Variants in NIN observed in about 807,000 individuals in gnomAD.
NIN encodes ninein, also known as glycogen synthase kinase 3 beta-interacting protein.
In NIN, 137 loss-of-function variants were observed where a neutral mutation model predicts 257.6. The ratio of observed to expected loss-of-function variants is 0.53; its 90% CI spans 0.46 to 0.61. NIN has a LOEUF of 0.61. NIN is among the 20% of genes least tolerant of loss of function. The pLI is 0.00. For missense variants in NIN, 2,439 were observed against 2,501.2 expected, an observed-to-expected ratio of 0.98 and a Z score of 0.53; for synonymous variants, 918 against 919.8, an observed-to-expected ratio of 1.00 and a Z score of 0.04.
At chr14:50,779,675 G>A (rs557299759) in intron 5 of NIN, among the ~76,000 whole-genome samples, 15 of 151,870 alleles carry the variant, frequency 9.9e-5, no homozygotes, top group African/African-American at 3.1e-4. Flanking sequence ...GGAGAATGGC[G>A]TGAACCCGGG....
rs371307505 is a variant in NIN at position 50,800,240 on chromosome 14, G to A, written c.265+6497C>T. Among the ~76,000 whole-genome samples the A allele has an allele frequency of 3.1e-4, 47 of 152,248 alleles. No homozygotes were observed. In the South Asian group the frequency reaches 3.9e-3, roughly 13 times the overall value. ...GTCATTGTTTACATAGATAGAGCAC[G>A]ATTTGCCTATGAATACACTGTCTAA... On this transcript the variant is annotated intron_variant, in intron 4 of 30. Coordinates refer to ENST00000530997, the MANE Select transcript of NIN (RefSeq NM_020921.4).
intron 4 of NIN, chr14:50,805,887 A>C (rs913704502): frequency 6.6e-6 from 1 of 152,002 alleles, no homozygotes; most frequent in African/African-American, 2.4e-5. Context: ...TTTGTAGTCA[A>C]CTCCTGCCCC....
At chr14:50,784,038 C>T (rs947645526) in intron 5 of NIN, among the ~76,000 whole-genome samples, 6 of 152,320 alleles carry the variant, frequency 3.9e-5, no homozygotes, top group South Asian at 4.1e-4. Context: ...TTGAAATATA[C>T]GTAACCTCTC....
intron 9 of NIN, chr14:50,771,945 C>T (rs1031412356): frequency 5.5e-5 from 11 of 199,906 alleles, no homozygotes; most frequent in South Asian, 9.5e-5. Context: ...GAGATCACAC[C>T]GTTATACTCC....
At chr14:50,802,164 T>C (rs537374968) in intron 4 of NIN, among the ~76,000 whole-genome samples, 35 of 152,330 alleles carry the variant, frequency 2.3e-4, no homozygotes, top group Admixed American at 2.0e-3. Flanking sequence ...ATTGTACACA[T>C]AGATATGAAA....
At chr14:50,732,373 G>A (rs539080781) in intron 28 of NIN, among the ~76,000 whole-genome samples, 2 of 152,284 alleles carry the variant, frequency 1.3e-5, no homozygotes, top group South Asian at 2.1e-4. Flanking sequence ...TCCCTCAGGT[G>A]AGCTGGGACA....
chr14:50,789,724 A>G (rs904648595), intron 5 of NIN, among the ~76,000 whole-genome samples: 4 of 152,188 alleles, frequency 2.6e-5, no homozygotes, highest in African/African-American at 9.7e-5. Flanking sequence ...AACAGGCAAG[A>G]TCACTGGGTC....
intron 2 of NIN, among the ~76,000 whole-genome samples, chr14:50,829,866 G>A (rs1595968633): frequency 6.6e-6 from 1 of 152,134 alleles, no homozygotes; most frequent in South Asian, 2.1e-4. Context: ...TCTGTCAGGG[G>A]CCGCTTCGGT....
chr14:50,719,850 C>G lies in NIN; in HGVS notation c.*3613G>C, dbSNP rs1405210838. On this transcript the variant is annotated 3_prime_UTR_variant, in exon 31 of 31. Transcript: ENST00000530997. ...CAAAATTATTTATTTACATCTTAAG[C>G]TCACATTAAAATCTTTCTAGGATAG... The G allele has an allele frequency of 9.9e-6, 2 of 201,308 alleles. No individual in the cohort carries two copies. The highest frequency in any genetic ancestry group is 2.0e-5 in the Non-Finnish European group (2 of 97,612). The allele number at this position is 201,308 out of a possible 1,614,324, so 12.5% of individuals were successfully genotyped here.
At chr14:50,778,723 G>GGAGAGCA in intron 6 of NIN, 42 bp downstream of exon 6, 1 of 1,596,212 alleles carries the variant, frequency 6.3e-7, no homozygotes, top group Non-Finnish European at 8.6e-7. Flanking sequence ...GCACCCGGCG[G>GGAGAGCA]CCCTTCCCTT....
intron 4 of NIN, 68 bp downstream of exon 4, chr14:50,806,669 A>G (rs2044341593): frequency 6.0e-6 from 5 of 826,914 alleles, no homozygotes; most frequent in Middle Eastern, 2.3e-4. Context: ...ACATGCTTCA[A>G]GGTCCCCAGA....
At chr14:50,776,011 G>A (rs1263876124) in intron 7 of NIN, among the ~76,000 whole-genome samples, 1 of 152,060 alleles carries the variant, frequency 6.6e-6, no homozygotes, top group Non-Finnish European at 1.5e-5. Context: ...GCTATTATTT[G>A]TTTAGAAAAA....
chr14:50,727,567 TTTAAAAGAGCACTTAATTCCAACATA>T lies in NIN; in HGVS notation c.6079-1527_6079-1502del, dbSNP rs2040470674. ...TTTAACAGTAAAAATAATAAAATAA[TTTAAAAGAGCACTTAATTCCAACATA>T]TCTTAGCTTATGTCTCTGTGTGTGG... is the stretch of plus-strand genomic sequence containing the variant. On this transcript the variant is annotated intron_variant, in intron 29 of 30. Transcript: ENST00000530997. 1.6e-5 allele frequency: 21 copies of T among 1,327,004 alleles called. No homozygotes were observed. In the South Asian group the frequency reaches 2.7e-4, roughly 17 times the overall value. 82.2% of individuals were successfully genotyped at this position (1,327,004 alleles called of 1,614,324 possible). A position where few individuals can be genotyped will look rare whatever the true frequency, so the allele number is the denominator to read the frequency against.
Position 50,739,480 on chromosome 14 carries a change from G to T in NIN, c.5456C>A (p.Ala1819Asp), listed in dbSNP as rs776944407. Residue 1819 changes from alanine to aspartate, a missense_variant, in exon 26 of 31, where the codon GCC becomes GAC. Ala to Asp is a moderately radical substitution (Grantham distance 126). Transcript: ENST00000530997. ...TGATGGATGAGTAGCTATCTCTGGG[G>T]CCCAGCTCTTAAGAGAATTGCAGAG... ...QLQNAGGKSW[A>D]PEIATHPSGL... is the part of the protein sequence containing the mutation. 2.5e-6 allele frequency: 4 copies of T among 1,613,958 alleles called. No individual in the cohort carries two copies. The highest frequency in any genetic ancestry group is 3.4e-6 in the Non-Finnish European group (4 of 1,180,010).
In NIN at chr14:50,720,875, C is replaced by G. The variant is rs922378879; in HGVS notation, c.*2588G>C. 6.1e-5 allele frequency: 12 copies of G among 198,204 alleles called. No homozygotes were observed. Among genetic ancestry groups the G allele is most frequent in the African/African-American group, 2.8e-4 (12 of 43,390 alleles). The allele number at this position is 198,204 out of a possible 1,614,324, so 12.3% of individuals were successfully genotyped here. On this transcript the variant is annotated 3_prime_UTR_variant, in exon 31 of 31. Transcript: ENST00000530997. ...GAAACGAAGATCCCATCTTCTGAGACGATCTTAAATAATTGTTCTTAAATC... is the reference window on the plus strand; with the variant it reads ...GAAACGAAGATCCCATCTTCTGAGAGGATCTTAAATAATTGTTCTTAAATC...
At chr14:50,775,754 C>T (rs944682036) in intron 7 of NIN, among the ~76,000 whole-genome samples, 3 of 151,978 alleles carry the variant, frequency 2.0e-5, no homozygotes, top group African/African-American at 7.3e-5. Context: ...ATAAATAATC[C>T]AAGTTTGTGC....
At chr14:50,744,183 A>G in intron 23 of NIN, 60 bp downstream of exon 23, 1 of 1,579,458 alleles carries the variant, frequency 6.3e-7, no homozygotes, top group Non-Finnish European at 8.7e-7. Context: ...GTCCACAGAG[A>G]AAGGTTCATT....
chr14:50,784,816 T>C (rs1246033898), intron 5 of NIN, among the ~76,000 whole-genome samples: 2 of 152,196 alleles, frequency 1.3e-5, no homozygotes, highest in African/African-American at 2.4e-5. Context: ...GAACTTCCAA[T>C]TCAACTTAGG....
In NIN at chr14:50,724,324, G is replaced by C. The variant is rs1040147161; in HGVS notation, c.6193-652C>G. The C allele has an allele frequency of 2.9e-4, 61 of 209,444 alleles. No homozygotes were observed. In the East Asian group the frequency reaches 4.0e-3, roughly 14 times the overall value. 13.0% of individuals were successfully genotyped at this position (209,444 alleles called of 1,614,324 possible). A position where few individuals can be genotyped will look rare whatever the true frequency, so the allele number is the denominator to read the frequency against. On this transcript the variant is annotated intron_variant, in intron 30 of 30. Transcript: ENST00000530997. ...CAGTCCCCCTTCCCATGTTACAAGT[G>C]TTCATTTTACACCCAATTTCAAGTA... is the stretch of plus-strand genomic sequence containing the variant.
Sources: gnomAD v4.1 joint callset for allele counts (sites outside exome capture counted in the v4.1 genomes callset) on GRCh38, gnomAD v4.1.1 for gene constraint, MANE v1.5 for transcripts, NCBI Gene and HGNC (gene_info 2026-07-23, HGNC 2026-07-21) for gene names.